The following M1AP variants were observed in gnomAD, a reference collection of about 807,000 sequenced individuals.
The protein encoded by M1AP is meiosis 1 associated protein.
In M1AP, 39 loss-of-function variants were observed where a neutral mutation model predicts 51.2. The ratio of observed to expected loss-of-function variants is 0.76; its 90% CI spans 0.59 to 1.00. M1AP has a LOEUF of 1.00. Among genes scored for constraint, M1AP ranks in the 50% least tolerant of loss-of-function variants. The pLI is 0.00. For synonymous variants in M1AP, 251 were observed against 249.2 expected, an observed-to-expected ratio of 1.01 and a Z score of -0.07; for missense variants, 545 against 641.2, an observed-to-expected ratio of 0.85 and a Z score of 1.62.
chr2:74,585,330 T>A (rs1045271072), intron 4 of M1AP, among the ~76,000 whole-genome samples: 5 of 152,182 alleles, frequency 3.3e-5, no homozygotes, highest in Admixed American at 6.5e-5. Flanking sequence ...CTCTGCTCTT[T>A]TTTGTGATTA....
chr2:74,607,968 A>G (rs1681117157), intron 3 of M1AP, among the ~76,000 whole-genome samples: 1 of 152,206 alleles, frequency 6.6e-6, no homozygotes. Context: ...AGCAAAATCG[A>G]AAGGAAGGTA....
intron 4 of M1AP, among the ~76,000 whole-genome samples, chr2:74,605,793 C>T (rs1311430355): frequency 6.6e-6 from 1 of 151,630 alleles, no homozygotes; most frequent in Non-Finnish European, 1.5e-5. Flanking sequence ...CCCAGCTACT[C>T]AGGAGGCCGA....
chr2:74,574,063 C>T (rs114625328), intron 7 of M1AP, among the ~76,000 whole-genome samples: 2,250 of 152,266 alleles, frequency 0.015, 18 homozygotes, highest in Non-Finnish European at 0.022. Flanking sequence ...GAAACAGGAA[C>T]TCAGTGGGTG....
At chr2:74,607,868 T>C (rs1002661394) in intron 3 of M1AP, among the ~76,000 whole-genome samples, 4 of 152,234 alleles carry the variant, frequency 2.6e-5, no homozygotes, top group African/African-American at 9.6e-5. Context: ...TTAGATGTTT[T>C]TGATCCATGA....
rs144180826 is a variant in M1AP, at chr2:74,574,367, A to G, written c.1074+1071T>C. ...CTCACTCCCTATATCCAATCTCTCA[A>G]CCAAGTTCTGACAATCTTCTCTCTA... On this transcript the variant is annotated intron_variant, in intron 7 of 10. Coordinates refer to ENST00000421985, the MANE Select transcript of M1AP (RefSeq NM_001321739.2). Among the ~76,000 whole-genome samples, 257 of 152,196 alleles carry G rather than the reference A, an allele frequency of 1.7e-3. 1 individual carries two copies. Among genetic ancestry groups the G allele is most frequent in the African/African-American group, 6.0e-3 (249 of 41,512 alleles).
In M1AP at chr2:74,584,448, C is replaced by CAA. The variant is rs772920948; in HGVS notation, c.596-2603_596-2602dup. ...ACATAGTGAGACACTGTCTCAGTTG[C>CAA]AAAAAAAAAAAAAAAAAGAAAAAGA... On this transcript the variant is annotated intron_variant, in intron 4 of 10. Transcript: ENST00000421985. 1.6e-3 allele frequency among the ~76,000 whole-genome samples: 120 copies of CAA among 73,468 alleles called. 1 individual carries two copies. Among genetic ancestry groups the CAA allele is most frequent in the African/African-American group, 4.0e-3 (81 of 20,374 alleles). 48.2% of individuals were successfully genotyped at this position (73,468 alleles called of 152,430 possible).
chr2:74,590,687 C>G (rs1679990213), intron 4 of M1AP, among the ~76,000 whole-genome samples: 1 of 152,132 alleles, frequency 6.6e-6, no homozygotes, highest in African/African-American at 2.4e-5. Flanking sequence ...GCACTGCACC[C>G]CTCACCTCTG....
At chr2:74,645,818 T>C (rs1318564738) in intron 1 of M1AP, among the ~76,000 whole-genome samples, 1 of 152,160 alleles carries the variant, frequency 6.6e-6, no homozygotes, top group African/African-American at 2.4e-5. Context: ...AGTTGCTGTT[T>C]AACATCACCA....
In M1AP at chr2:74,560,190, C is replaced by G. The variant is rs1286842556; in HGVS notation, c.1383G>C (p.Gly461=). Residue 461 remains glycine, a synonymous_variant, in exon 9 of 11, where the codon GGG becomes GGC. Coordinates refer to ENST00000421985, the MANE Select transcript of M1AP (RefSeq NM_001321739.2). The part of the protein sequence containing the change: ...HLSSIYAKPQ[G]RLHPHWESRA... ...GGCTCTCCCAGTGTGGGTGGAGCCG[C>G]CCCTGAGGCTTGGCATAGATGCTGC... 1 of 1,613,846 alleles carries G rather than the reference C, an allele frequency of 6.2e-7. No homozygotes were observed. The highest frequency in any genetic ancestry group is 8.5e-7 in the Non-Finnish European group (1 of 1,179,994).
intron 3 of M1AP, among the ~76,000 whole-genome samples, chr2:74,610,643 G>A (rs889337044): frequency 1.3e-5 from 2 of 151,904 alleles, no homozygotes; most frequent in Non-Finnish European, 2.9e-5. Context: ...TTTCGTAGTG[G>A]CAGGGTCTCA....
chr2:74,604,914 A>G (rs1680880414), intron 4 of M1AP, among the ~76,000 whole-genome samples: 1 of 152,164 alleles, frequency 6.6e-6, no homozygotes, highest in East Asian at 1.9e-4. Flanking sequence ...GAGATAATTC[A>G]AGAATAAAAG....
intron 1 of M1AP, among the ~76,000 whole-genome samples, chr2:74,642,098 G>T (rs556269897): frequency 9.2e-5 from 14 of 152,068 alleles, no homozygotes; most frequent in Non-Finnish European, 1.8e-4. Context: ...CCAAAGTGCT[G>T]GGATTACAGG....
At chr2:74,559,164 A>AT (rs35645412) in intron 10 of M1AP, among the ~76,000 whole-genome samples, 5,105 of 146,742 alleles carry the variant, frequency 0.035, 114 homozygotes, top group Non-Finnish European at 0.039. Flanking sequence ...GACAAAATGA[A>AT]TTTTTTTTTT....
intron 4 of M1AP, among the ~76,000 whole-genome samples, chr2:74,583,035 A>G (rs1679506559): frequency 6.6e-6 from 1 of 151,758 alleles, no homozygotes; most frequent in African/African-American, 2.4e-5. Flanking sequence ...TAAATAAATA[A>G]AATAAATAAA....
chr2:74,576,833 A>G (rs1679103578), intron 5 of M1AP: 1 of 1,310,294 alleles, frequency 7.6e-7, no homozygotes, highest in Non-Finnish European at 9.9e-7. Context: ...TAGTATCTCT[A>G]TCGCTCTACA....
intron 3 of M1AP, among the ~76,000 whole-genome samples, chr2:74,609,336 C>T (rs999376595): frequency 6.6e-6 from 1 of 152,182 alleles, no homozygotes; most frequent in African/African-American, 2.4e-5. Context: ...TGGCTTATTT[C>T]ACTTAATATA....
chr2:74,628,178 C>G (rs1049043000), intron 2 of M1AP: 1 of 196,782 alleles, frequency 5.1e-6, no homozygotes, highest in Admixed American at 5.8e-5. Context: ...ACGAAAACTA[C>G]TTTTCCTTTT....
chr2:74,593,442 G>A (rs936994810), intron 4 of M1AP, among the ~76,000 whole-genome samples: 1 of 152,178 alleles, frequency 6.6e-6, no homozygotes, highest in Admixed American at 6.5e-5. Context: ...GTACAGTGGT[G>A]CAATCTTGGC....
At chr2:74,573,992 A>C (rs1678905403) in intron 7 of M1AP, among the ~76,000 whole-genome samples, 1 of 152,226 alleles carries the variant, frequency 6.6e-6, no homozygotes, top group Non-Finnish European at 1.5e-5. Flanking sequence ...GGGCACTAAC[A>C]GTTACAACGG....
Sources: gnomAD v4.1 joint callset for allele counts (sites outside exome capture counted in the v4.1 genomes callset) on GRCh38, gnomAD v4.1.1 for gene constraint, MANE v1.5 for transcripts, NCBI Gene and HGNC (gene_info 2026-07-23, HGNC 2026-07-21) for gene names.